The following EPS15L1 variants were observed in gnomAD, a reference collection of about 807,000 sequenced individuals.
The protein encoded by EPS15L1 is epidermal growth factor receptor pathway substrate 15 like 1, also known as epidermal growth factor receptor substrate 15-like 1.
Under a neutral mutation model 117.1 loss-of-function variants are expected in EPS15L1, and 43 were observed. The observed-to-expected ratio is 0.37, with a 90% CI of 0.29 to 0.47. The LOEUF is 0.47. Ranked by LOEUF, EPS15L1 falls within the 20% of genes least tolerant of loss-of-function variation. The pLI, the probability that EPS15L1 is intolerant of heterozygous loss-of-function variation, is 0.99. For synonymous variants in EPS15L1, 459 were observed against 470.5 expected (o/e 0.98, Z 0.32); for missense variants, 981 against 1,164.0 (o/e 0.84, Z 2.29).
rs1422829772 is a variant in EPS15L1, at chr19:16,442,239, T to C, written c.34-20A>G. 6.2e-7 allele frequency: 1 copy of C among 1,611,780 alleles called. No individual in the cohort carries two copies. The highest frequency in any genetic ancestry group is 1.1e-5 in the South Asian group (1 of 90,898). On this transcript the variant is annotated intron_variant, in intron 1 of 23. Coordinates refer to ENST00000455140, the MANE Select transcript of EPS15L1 (RefSeq NM_001258374.3). Reference sequence around the variant, plus strand: ...GGGAATCTGTAAATGAAACCACAGATATTGGTCAAAAGTGAACACAACCCC... The same window carrying C: ...GGGAATCTGTAAATGAAACCACAGACATTGGTCAAAAGTGAACACAACCCC...
At chr19:16,368,143 C>A (rs1321508170) in intron 22 of EPS15L1, among the ~76,000 whole-genome samples, 1 of 152,198 alleles carries the variant, frequency 6.6e-6, no homozygotes, top group Non-Finnish European at 1.5e-5. Context: ...GTCAGGGAAG[C>A]TGCCCACCTT....
chr19:16,374,139 C>T (rs2092262622), intron 22 of EPS15L1, among the ~76,000 whole-genome samples: 1 of 152,146 alleles, frequency 6.6e-6, no homozygotes, highest in Admixed American at 6.5e-5. Flanking sequence ...AGACCTGGCC[C>T]TGCTGCCACC....
At chr19:16,380,599 C>CT (rs1214704010) in intron 21 of EPS15L1, among the ~76,000 whole-genome samples, 2 of 152,210 alleles carry the variant, frequency 1.3e-5, no homozygotes, top group South Asian at 2.1e-4. Context: ...ACGCAGCCAT[C>CT]TAAGGCTCTA....
intron 1 of EPS15L1, among the ~76,000 whole-genome samples, chr19:16,465,321 T>C (rs1050224522): frequency 8.5e-5 from 13 of 152,128 alleles, no homozygotes; most frequent in African/African-American, 2.9e-4. Flanking sequence ...GGGCCGGGCC[T>C]GGACAACTCA....
At chr19:16,408,230 C>A (rs1279332316) in intron 13 of EPS15L1, among the ~76,000 whole-genome samples, 1 of 152,034 alleles carries the variant, frequency 6.6e-6, no homozygotes, top group African/African-American at 2.4e-5. Flanking sequence ...GAGCTCAGAG[C>A]AAAAAGAAGA....
At chr19:16,442,765 A>G (rs1161847329) in intron 1 of EPS15L1, among the ~76,000 whole-genome samples, 1 of 152,252 alleles carries the variant, frequency 6.6e-6, no homozygotes, top group Non-Finnish European at 1.5e-5. Context: ...CTGGCCAGTA[A>G]CTGTTCCCAC....
intron 16 of EPS15L1, chr19:16,401,769 G>A: frequency 2.0e-6 from 2 of 985,840 alleles, no homozygotes; most frequent in Non-Finnish European, 1.2e-6. Flanking sequence ...GTAAAGTGCA[G>A]AGGTTTTTAA....
chr19:16,437,064 G>T, intron 5 of EPS15L1, 65 bp from the exon 6 acceptor site: 1 of 1,421,798 alleles, frequency 7.0e-7, no homozygotes, highest in Non-Finnish European at 9.9e-7. Context: ...GGGTGGGTTT[G>T]CTGAAAAGGA....
At chr19:16,382,109 G>T (rs1202610546) in intron 21 of EPS15L1, among the ~76,000 whole-genome samples, 1 of 152,212 alleles carries the variant, frequency 6.6e-6, no homozygotes, top group Non-Finnish European at 1.5e-5. Flanking sequence ...GCTGACCGGG[G>T]ACACCTCGGG....
chr19:16,368,766 C>A (rs116432921), intron 22 of EPS15L1, among the ~76,000 whole-genome samples: 2,027 of 152,250 alleles, frequency 0.013, 51 homozygotes, highest in African/African-American at 0.047. Context: ...ATCATTCACC[C>A]TACACAACAC....
intron 15 of EPS15L1, among the ~76,000 whole-genome samples, 189 bp from the exon 16 acceptor site, chr19:16,402,674 TGG>T (rs1437349321): frequency 2.0e-5 from 3 of 151,900 alleles, no homozygotes; most frequent in African/African-American, 7.3e-5. Context: ...CCTGAGTAGC[TGG>T]GACTACAGGT....
At chr19:16,392,279 C>A in intron 19 of EPS15L1, 25 bp downstream of exon 19, 2 of 1,613,612 alleles carry the variant, frequency 1.2e-6, no homozygotes, top group Non-Finnish European at 1.7e-6. Context: ...CGCAGCTCTC[C>A]CGGGCAACGT....
rs1184655256 is a variant in EPS15L1 at position 16,355,563 on chromosome 19, G to C, written c.*142C>G. On this transcript the variant is annotated 3_prime_UTR_variant, in exon 24 of 24. Coordinates refer to ENST00000455140, the MANE Select transcript of EPS15L1 (RefSeq NM_001258374.3). ...TGTGACCTTTCCAGGTCTTGCAGCC[G>C]AGTCTGCTCACCCTGAACAAGCCCC... 9.2e-7 allele frequency: 1 copy of C among 1,082,456 alleles called. No individual in the cohort carries two copies. Among genetic ancestry groups the C allele is most frequent in the Non-Finnish European group, 1.3e-6 (1 of 777,806 alleles). 67.1% of individuals were successfully genotyped at this position (1,082,456 alleles called of 1,614,324 possible). A position where few individuals can be genotyped will look rare whatever the true frequency, so the allele number is the denominator to read the frequency against.
intron 1 of EPS15L1, among the ~76,000 whole-genome samples, chr19:16,444,727 GTT>G (rs561228808): frequency 1.2e-4 from 17 of 140,502 alleles, no homozygotes; most frequent in Admixed American, 3.6e-4. Context: ...TTCCAGACAA[GTT>G]TTTTTTTTTT....
In EPS15L1 at chr19:16,439,684, CAAAAAAT is replaced by C. The variant is rs537480217; in HGVS notation, c.213+1171_213+1177del. Among the ~76,000 whole-genome samples, 12 of 147,916 alleles carry C rather than the reference CAAAAAAT, an allele frequency of 8.1e-5. No individual in the cohort carries two copies. In the South Asian group the frequency reaches 8.7e-4, roughly 11 times the overall value. ...CCAGCCTGGGCAACAGAGCGAGGCTCAAAAAATAAAAAATAAAAAAACAAAACAACAA... is the reference window on the plus strand; with the variant it reads ...CCAGCCTGGGCAACAGAGCGAGGCTCAAAAAATAAAAAAACAAAACAACAA... On this transcript the variant is annotated intron_variant, in intron 4 of 23. Transcript: ENST00000455140.
Position 16,428,732 on chromosome 19 carries a change from A to T in EPS15L1, c.528T>A (p.Asp176Glu). ...RVWDLSDIDK[D>E]GHLDRDEFAV... ...CGAACTCATCTCGATCCAAGTGCCC[A>T]TCCTTGTCAATGTCACTGAGGTCCC... Residue 176 changes from aspartate to glutamate, a missense_variant, in exon 8 of 24, where the codon GAT becomes GAA. Asp to Glu is a conservative substitution (Grantham distance 45). Around this residue, in one of 5 missense-constraint regions of EPS15L1, gnomAD observed 819 missense variants for 949.0 expected, o/e 0.86. Coordinates refer to ENST00000455140, the MANE Select transcript of EPS15L1 (RefSeq NM_001258374.3). 1 of 1,611,592 alleles carries T rather than the reference A, an allele frequency of 6.2e-7. No homozygotes were observed. The highest frequency in any genetic ancestry group is 8.5e-7 in the Non-Finnish European group (1 of 1,179,222).
Position 16,392,248 on chromosome 19 carries a change from C to T in EPS15L1, c.2103+56G>A. On this transcript the variant is annotated intron_variant, in intron 19 of 23. Transcript: ENST00000455140. ...GAAGGGGGCCTTCGGGAAGCGCCAC[C>T]CTTACCACACAGAGCAGGCACGCAG... 4 of 1,606,278 alleles carry T rather than the reference C, an allele frequency of 2.5e-6. No individual in the cohort carries two copies. In the South Asian group the frequency reaches 4.4e-5, roughly 18 times the overall value.
chr19:16,364,394 G>A (rs954083958), intron 22 of EPS15L1, among the ~76,000 whole-genome samples: 3 of 152,128 alleles, frequency 2.0e-5, no homozygotes, highest in African/African-American at 4.8e-5. Flanking sequence ...CCCCACACCC[G>A]AGCTTTCTAG....
chr19:16,375,123 A>T (rs1374636713), intron 22 of EPS15L1, among the ~76,000 whole-genome samples: 1 of 152,230 alleles, frequency 6.6e-6, no homozygotes, highest in Non-Finnish European at 1.5e-5. Flanking sequence ...ATATGCACAC[A>T]TGTCCACAGA....
Sources: gnomAD v4.1 joint callset for allele counts (sites outside exome capture counted in the v4.1 genomes callset) on GRCh38, gnomAD v4.1.1 for gene constraint, gnomAD v4.1.1 regional missense constraint, MANE v1.5 for transcripts, NCBI Gene and HGNC (gene_info 2026-07-23, HGNC 2026-07-21) for gene names.